ADARB2: variants seen among roughly 807,000 people sequenced by gnomAD.
ADARB2 encodes the protein inactive double-stranded RNA-specific editase B2.
A neutral mutation model predicts 62.2 loss-of-function variants in ADARB2; 25 were observed. The ratio of observed to expected loss-of-function variants is 0.40; its 90% CI spans 0.29 to 0.56. The LOEUF (loss-of-function observed/expected upper bound fraction) is 0.56, where lower values mean the gene tolerates loss of function less well. ADARB2 is among the 20% of genes least tolerant of loss of function. The pLI, the probability that ADARB2 is intolerant of heterozygous loss-of-function variation, is 0.43. For synonymous variants in ADARB2, 572 were observed against 500.8 expected, an observed-to-expected ratio of 1.14 and a Z score of -1.90; for missense variants, 1,071 against 1,077.4, an observed-to-expected ratio of 0.99 and a Z score of 0.08.
chr10:1,456,148 GTT>G (rs1490608182), intron 1 of ADARB2, among the ~76,000 whole-genome samples: 2 of 152,124 alleles, frequency 1.3e-5, no homozygotes, highest in Non-Finnish European at 2.9e-5. Context: ...TCTTTATCTA[GTT>G]TCACCTAGGG....
chr10:1,663,534 A>G (rs1834275506), intron 1 of ADARB2, among the ~76,000 whole-genome samples: 1 of 152,132 alleles, frequency 6.6e-6, no homozygotes. Context: ...GAAATCACAT[A>G]GTTTGTAACC....
At chr10:1,720,958 T>G (rs909239758) in intron 1 of ADARB2, among the ~76,000 whole-genome samples, 1 of 152,222 alleles carries the variant, frequency 6.6e-6, no homozygotes, top group Non-Finnish European at 1.5e-5. Context: ...ACAAAGCCGC[T>G]TTGAATGTGC....
intron 5 of ADARB2, among the ~76,000 whole-genome samples, chr10:1,241,444 T>C (rs1490943167): frequency 6.6e-6 from 1 of 152,102 alleles, no homozygotes; most frequent in Non-Finnish European, 1.5e-5. Context: ...CTTCAAGGGA[T>C]GTGAAAGAGT....
intron 5 of ADARB2, among the ~76,000 whole-genome samples, chr10:1,235,327 G>T (rs1247565492): frequency 8.2e-6 from 1 of 121,238 alleles, no homozygotes; most frequent in Non-Finnish European, 1.7e-5. Context: ...TGGGGCGGGA[G>T]AGTTCCCAGC....
chr10:1,685,009 T>C (rs754980022), intron 1 of ADARB2, among the ~76,000 whole-genome samples: 4 of 152,204 alleles, frequency 2.6e-5, no homozygotes, highest in Non-Finnish European at 4.4e-5. Context: ...TGAGTGTGGG[T>C]TGTCATCCTT....
At chr10:1,623,055 A>G (rs1309931520) in intron 1 of ADARB2, among the ~76,000 whole-genome samples, 3 of 152,208 alleles carry the variant, frequency 2.0e-5, no homozygotes, top group African/African-American at 7.2e-5. Context: ...CATTGTGCTG[A>G]GCAGGAGTTG....
rs186834558 is a variant in ADARB2 at position 1,434,014 on chromosome 10, G to A, written c.101-54854C>T. ...ATATTGAACACATACTATAGAACAC[G>A]GAGGCTATTTTAATATTTAGGTGCT... On this transcript the variant is annotated intron_variant, in intron 1 of 9. Transcript: ENST00000381312. Among the ~76,000 whole-genome samples the A allele has an allele frequency of 2.0e-3, 303 of 152,238 alleles. 1 individual carries two copies. Among genetic ancestry groups the A allele is most frequent in the South Asian group, 3.7e-3 (18 of 4,826 alleles).
intron 1 of ADARB2, among the ~76,000 whole-genome samples, chr10:1,571,657 GACAGGTGAGTGT>G (rs1832935464): frequency 6.6e-6 from 1 of 151,170 alleles, no homozygotes; most frequent in Admixed American, 6.6e-5. Flanking sequence ...CAGGTGAGTG[GACAGGTGAGTGT>G]GCAGGTGAGT....
At chr10:1,525,606 T>A (rs1454638555) in intron 1 of ADARB2, among the ~76,000 whole-genome samples, 2 of 152,136 alleles carry the variant, frequency 1.3e-5, no homozygotes, top group Admixed American at 6.5e-5. Flanking sequence ...CTGTGTCCTG[T>A]TACCTCGGAG....
intron 1 of ADARB2, among the ~76,000 whole-genome samples, chr10:1,702,875 A>G (rs968316385): frequency 2.0e-5 from 3 of 152,264 alleles, no homozygotes; most frequent in Non-Finnish European, 4.4e-5. Flanking sequence ...GATTCAAGGT[A>G]TGAACCACTT....
At chr10:1,546,441 G>A (rs1564325394) in intron 1 of ADARB2, among the ~76,000 whole-genome samples, 1 of 152,314 alleles carries the variant, frequency 6.6e-6, no homozygotes, top group African/African-American at 2.4e-5. Context: ...CCTGCAACTC[G>A]CAGTGAAAAA....
chr10:1,242,328 G>A lies in ADARB2; in HGVS notation c.1193-29C>T, dbSNP rs146596278. ...GGGACACAGATAGCATCAGAGCAGCGTGGCCCACGGCCCCCGTCTCCCTCC... is the reference window on the plus strand; with the variant it reads ...GGGACACAGATAGCATCAGAGCAGCATGGCCCACGGCCCCCGTCTCCCTCC... On this transcript the variant is annotated intron_variant, in intron 4 of 9. Transcript: ENST00000381312. 1,688 of 1,518,080 alleles carry A rather than the reference G, an allele frequency of 1.1e-3. 2 individuals are homozygous for A. The highest frequency in any genetic ancestry group is 1.3e-3 in the South Asian group (110 of 83,442). The allele number at this position is 1,518,080 out of a possible 1,614,324, so 94.0% of individuals were successfully genotyped here.
intron 1 of ADARB2, among the ~76,000 whole-genome samples, chr10:1,412,228 G>T (rs533613906): frequency 6.6e-6 from 1 of 152,160 alleles, no homozygotes; most frequent in Non-Finnish European, 1.5e-5. Flanking sequence ...CCTCGGGGCT[G>T]GTTAGAGGAT....
chr10:1,497,029 C>T (rs951856709), intron 1 of ADARB2, among the ~76,000 whole-genome samples: 2 of 152,174 alleles, frequency 1.3e-5, no homozygotes, highest in Admixed American at 1.3e-4. Context: ...AGCCCTGCCT[C>T]TAGCTGGACC....
intron 4 of ADARB2, among the ~76,000 whole-genome samples, chr10:1,251,874 T>C (rs1032283358): frequency 6.6e-6 from 1 of 152,108 alleles, no homozygotes; most frequent in Non-Finnish European, 1.5e-5. Context: ...CTCCAAACGA[T>C]GTAGCAACAA....
intron 1 of ADARB2, among the ~76,000 whole-genome samples, chr10:1,562,660 C>T (rs987949123): frequency 3.3e-5 from 5 of 152,244 alleles, no homozygotes; most frequent in Non-Finnish European, 5.9e-5. Context: ...GGAATACTTC[C>T]TGGAGGCTGG....
At chr10:1,337,309 G>T (rs570634738) in intron 3 of ADARB2, among the ~76,000 whole-genome samples, 1 of 152,244 alleles carries the variant, frequency 6.6e-6, no homozygotes, top group South Asian at 2.1e-4. Flanking sequence ...AGCTCTAATG[G>T]CTCACCTGCA....
intron 1 of ADARB2, among the ~76,000 whole-genome samples, chr10:1,690,706 G>A (rs1174121274): frequency 6.6e-6 from 1 of 152,128 alleles, no homozygotes; most frequent in African/African-American, 2.4e-5. Context: ...CGTCGAGGAA[G>A]CCCAAGGCCT....
intron 1 of ADARB2, among the ~76,000 whole-genome samples, chr10:1,725,422 CAT>C (rs1052922698): frequency 6.6e-6 from 1 of 152,212 alleles, no homozygotes; most frequent in Non-Finnish European, 1.5e-5. Context: ...GAATAAATCA[CAT>C]GTCACCGCTT....
Sources: allele counts gnomAD v4.1 joint callset (sites outside exome capture counted in the v4.1 genomes callset), GRCh38; gene constraint gnomAD v4.1.1; transcripts MANE v1.5; gene names NCBI Gene and HGNC (gene_info 2026-07-23, HGNC 2026-07-21).